ANKDD1A: variants seen among roughly 807,000 people sequenced by gnomAD.
The protein encoded by ANKDD1A is ankyrin repeat and death domain-containing protein 1A.
ANKDD1A carries 59 observed loss-of-function variants against 63.5 expected under a neutral mutation model. The ratio of observed to expected loss-of-function variants is 0.93; its 90% confidence interval spans 0.75 to 1.15. ANKDD1A has a LOEUF of 1.15. Among genes scored for constraint, ANKDD1A ranks in the 50% most tolerant of loss-of-function variants. The pLI, the probability that ANKDD1A is intolerant of heterozygous loss-of-function variation, is 0.00. For synonymous variants in ANKDD1A, 266 were observed against 263.9 expected (o/e 1.01, Z -0.08); for missense variants, 632 against 656.4 (o/e 0.96, Z 0.41).
chr15:64,924,311 G>A (rs1258061238), intron 4 of ANKDD1A, among the ~76,000 whole-genome samples: 1 of 152,252 alleles, frequency 6.6e-6, no homozygotes, highest in Admixed American at 6.5e-5. Flanking sequence ...GGGCTCTAGA[G>A]GCCAAGGCTG....
At chr15:64,956,805 A>C (rs1047653404) in intron 14 of ANKDD1A, among the ~76,000 whole-genome samples, 2 of 152,114 alleles carry the variant, frequency 1.3e-5, no homozygotes, top group Non-Finnish European at 2.9e-5. Context: ...CATCCACCTC[A>C]GCCTCCCAAA....
At chr15:64,951,933 CTTTCTT>C (rs2085292450) in intron 14 of ANKDD1A, among the ~76,000 whole-genome samples, 1 of 136,324 alleles carries the variant, frequency 7.3e-6, no homozygotes, top group African/African-American at 3.0e-5. Context: ...CCTCTTCTTC[CTTTCTT>C]TTCTTCTTCT....
At chr15:64,952,920 CT>C (rs2085325241) in intron 14 of ANKDD1A, among the ~76,000 whole-genome samples, 2 of 115,762 alleles carry the variant, frequency 1.7e-5, no homozygotes, top group African/African-American at 5.5e-5. Context: ...TCTTCTCCTT[CT>C]TCTTAGTTCT....
intron 14 of ANKDD1A, among the ~76,000 whole-genome samples, chr15:64,955,634 T>C (rs1367171735): frequency 1.3e-5 from 2 of 152,186 alleles, no homozygotes; most frequent in African/African-American, 4.8e-5. Context: ...CTGTCTCATT[T>C]GAGCTCTCCT....
intron 3 of ANKDD1A, among the ~76,000 whole-genome samples, chr15:64,921,073 T>C (rs2085003723): frequency 6.6e-6 from 1 of 151,582 alleles, no homozygotes; most frequent in Admixed American, 6.6e-5. Context: ...TGGGCTCAAG[T>C]GATCCTCCCA....
At chr15:64,954,865 C>CCTTCTTCTTCTTTCTTCTCCTT (rs1249429952) in intron 14 of ANKDD1A, among the ~76,000 whole-genome samples, 1 of 146,366 alleles carries the variant, frequency 6.8e-6, no homozygotes, top group Non-Finnish European at 1.5e-5. Flanking sequence ...TCTTTCTTCT[C>CCTTCTTCTTCTTTCTTCTCCTT]CTTTTCTTCT....
chr15:64,943,844 C>A, intron 11 of ANKDD1A: 1 of 487,018 alleles, frequency 2.1e-6, no homozygotes, highest in Non-Finnish European at 3.7e-6. Context: ...CTTTATGGCC[C>A]CCATCAGACT....
chr15:64,943,688 G>A (rs912339166), intron 11 of ANKDD1A, 106 bp downstream of exon 11: 2 of 1,081,228 alleles, frequency 1.8e-6, no homozygotes, highest in Non-Finnish European at 1.4e-6. Context: ...GGTGTTCAAG[G>A]ACTGTCATCC....
At chr15:64,918,081 C>T (rs1050793639) in intron 3 of ANKDD1A, among the ~76,000 whole-genome samples, 3 of 152,144 alleles carry the variant, frequency 2.0e-5, no homozygotes, top group Non-Finnish European at 4.4e-5. Context: ...TAAAAAAAAG[C>T]GCCTGGGCGC....
chr15:64,927,498 T>A (rs1048975031), intron 6 of ANKDD1A, among the ~76,000 whole-genome samples: 8 of 152,124 alleles, frequency 5.3e-5, no homozygotes, highest in Non-Finnish European at 1.2e-4. Flanking sequence ...ATTTCACCAA[T>A]CTGAGAAGGG....
At chr15:64,952,186 ACTTTTT>A (rs1158459984) in intron 14 of ANKDD1A, among the ~76,000 whole-genome samples, 17 of 115,254 alleles carry the variant, frequency 1.5e-4, no homozygotes, top group African/African-American at 4.6e-4. Context: ...CTTTCCTTCT[ACTTTTT>A]CTTCTTCTTC....
intron 13 of ANKDD1A, among the ~76,000 whole-genome samples, 159 bp from the exon 14 acceptor site, chr15:64,949,682 G>A (rs2140383827): frequency 6.6e-6 from 1 of 152,274 alleles, no homozygotes; most frequent in East Asian, 1.9e-4. Context: ...TCTCCAGGCT[G>A]AGCTTGGCTG....
chr15:64,922,152 T>C (rs2085012554), intron 4 of ANKDD1A, 133 bp downstream of exon 4: 1 of 700,284 alleles, frequency 1.4e-6, no homozygotes, highest in Admixed American at 2.5e-5. Flanking sequence ...CCCTCTTTCA[T>C]CTGATCTCCC....
chr15:64,929,812 C>T (rs1432740453), intron 6 of ANKDD1A, among the ~76,000 whole-genome samples: 1 of 152,124 alleles, frequency 6.6e-6, no homozygotes, highest in Admixed American at 6.5e-5. Flanking sequence ...GCTTATGTTC[C>T]AGCAAGAAGG....
chr15:64,953,491 CTTTA>C (rs2140390665), intron 14 of ANKDD1A, among the ~76,000 whole-genome samples: 19 of 98,170 alleles, frequency 1.9e-4, no homozygotes, highest in African/African-American at 5.7e-4. Context: ...TCTCCTTCTT[CTTTA>C]GTTCTTCCTC....
intron 9 of ANKDD1A, among the ~76,000 whole-genome samples, chr15:64,935,181 T>C (rs1444380139): frequency 1.4e-5 from 2 of 140,690 alleles, no homozygotes; most frequent in African/African-American, 5.4e-5. Context: ...TGAGCCATGA[T>C]CACACCACTG....
intron 10 of ANKDD1A, 27 bp downstream of exon 10, chr15:64,942,592 C>T (rs754336453): frequency 6.3e-7 from 1 of 1,587,334 alleles, no homozygotes; most frequent in Non-Finnish European, 8.6e-7. Flanking sequence ...ACCTTCCGGG[C>T]CCCAGGGAGC....
chr15:64,956,313 G>GCT (rs2085416247), intron 14 of ANKDD1A, among the ~76,000 whole-genome samples: 1 of 151,198 alleles, frequency 6.6e-6, no homozygotes, highest in Non-Finnish European at 1.5e-5. Context: ...ACTTTGGGAG[G>GCT]GCAAGGCGGG....
rs1043133133 is a variant in ANKDD1A at position 64,957,587 on chromosome 15, G to T, written c.*399G>T. On this transcript the variant is annotated 3_prime_UTR_variant, in exon 15 of 15. Transcript: ENST00000319580. ...AAAATTTGGACAGCCATTTGCCATT[G>T]TAATTTTTATTCTTTTTTCTCCTGA... 1.3e-5 allele frequency: 2 copies of T among 152,472 alleles called. No individual in the cohort carries two copies. Among genetic ancestry groups the T allele is most frequent in the African/African-American group, 4.8e-5 (2 of 41,442 alleles). The allele number at this position is 152,472 out of a possible 1,614,324, so 9.4% of individuals were successfully genotyped here.
Sources: gnomAD v4.1 joint callset for allele counts (sites outside exome capture counted in the v4.1 genomes callset) on GRCh38, gnomAD v4.1.1 for gene constraint, MANE v1.5 for transcripts, NCBI Gene and HGNC (gene_info 2026-07-23, HGNC 2026-07-21) for gene names.